The following PSORS1C1 variants were observed in gnomAD, a reference collection of about 807,000 sequenced individuals.
The protein encoded by PSORS1C1 is psoriasis susceptibility 1 candidate gene 1 protein.
A neutral mutation model predicts 9.4 loss-of-function variants in PSORS1C1; 7 were observed. The ratio of observed to expected loss-of-function variants is 0.75; its 90% confidence interval spans 0.42 to 1.40. The LOEUF is 1.40. Among genes scored for constraint, PSORS1C1 ranks in the 40% most tolerant of loss-of-function variants. The pLI is 0.01. For synonymous variants in PSORS1C1, 63 were observed against 69.4 expected, an observed-to-expected ratio of 0.91 and a Z score of 0.46; for missense variants, 146 against 178.1, an observed-to-expected ratio of 0.82 and a Z score of 1.02.
intron 1 of PSORS1C1, among the ~76,000 whole-genome samples, chr6:31,125,289 G>A (rs3095302): frequency 0.52 from 78,203 of 151,716 alleles, 21,316 homozygotes; most frequent in African/African-American, 0.69. Flanking sequence ...GCGAGAGGCC[G>A]TTTCCTCTCC....
At position 31,128,333 on chromosome 6, in the gene PSORS1C1, T is replaced by C. The variant is rs1306568376; in HGVS notation, c.-64-1236T>C. ...GAACAAGACCTGAGAGCCGCTACCT[T>C]GGCTCTCAGCATTGCACGGGAGTTT... On this transcript the variant is annotated intron_variant, in intron 2 of 5. Coordinates refer to ENST00000259881, the MANE Select transcript of PSORS1C1 (RefSeq NM_014068.3). This position sits in a 1 kb window ranked among gnomAD's most constrained non-coding sequence, Gnocchi z 4.3. Among the ~76,000 whole-genome samples, 1 of 152,192 alleles carries C rather than the reference T, an allele frequency of 6.6e-6. No individual in the cohort carries two copies. Among genetic ancestry groups the C allele is most frequent in the Non-Finnish European group, 1.5e-5 (1 of 68,032 alleles).
At position 31,117,509 on chromosome 6, in the gene PSORS1C1, C is replaced by T. The variant is rs144847588; in HGVS notation, c.-229+2618C>T. Reference sequence around the variant, plus strand: ...TCCTTACAAGGGTCTGAGAAGGTGCCAATGCTCTTAGCCAAGGTCCCTGTG... The same window carrying T: ...TCCTTACAAGGGTCTGAGAAGGTGCTAATGCTCTTAGCCAAGGTCCCTGTG... On this transcript the variant is annotated intron_variant, in intron 1 of 5. Coordinates refer to ENST00000259881, the MANE Select transcript of PSORS1C1 (RefSeq NM_014068.3). 5,834 of 1,550,860 alleles carry T rather than the reference C, an allele frequency of 3.8e-3. 193 individuals carry two copies. The South Asian group carries it at 0.053, about 14-fold the overall frequency.
chr6:31,125,994 C>T (rs1329216006), intron 2 of PSORS1C1, among the ~76,000 whole-genome samples, 155 bp downstream of exon 2: 2 of 151,312 alleles, frequency 1.3e-5, no homozygotes, highest in African/African-American at 2.4e-5. Flanking sequence ...CTGTGCCCAC[C>T]CCCCACCCCC....
intron 3 of PSORS1C1, among the ~76,000 whole-genome samples, chr6:31,134,680 A>G (rs1027363607): frequency 6.6e-6 from 1 of 152,114 alleles, no homozygotes; most frequent in Non-Finnish European, 1.5e-5. Flanking sequence ...AGGTTATGCA[A>G]CCTCAGTTTC....
rs1184132826 is a variant in PSORS1C1 at position 31,117,166 on chromosome 6, C to T, written c.-229+2275C>T. On this transcript the variant is annotated intron_variant, in intron 1 of 5. Coordinates refer to ENST00000259881, the MANE Select transcript of PSORS1C1 (RefSeq NM_014068.3). Reference sequence around the variant, plus strand: ...GCTGCTGCTCGAATGAGAGCTGCTGCTTCCCGAGTGAGAGCCGCTGTTTCC... The same window carrying T: ...GCTGCTGCTCGAATGAGAGCTGCTGTTTCCCGAGTGAGAGCCGCTGTTTCC... The T allele has an allele frequency of 7.4e-6, 7 of 951,340 alleles. No individual in the cohort carries two copies. In the African/African-American group the frequency reaches 1.5e-4, roughly 21 times the overall value. 58.9% of individuals were successfully genotyped at this position (951,340 alleles called of 1,614,324 possible). A position where few individuals can be genotyped will look rare whatever the true frequency, so the allele number is the denominator to read the frequency against.
chr6:31,134,450 C>T (rs777928096), intron 3 of PSORS1C1, among the ~76,000 whole-genome samples: 15 of 151,982 alleles, frequency 9.9e-5, no homozygotes, highest in Admixed American at 1.3e-4. Flanking sequence ...CTACAGGCGC[C>T]GGCCACCATG....
At chr6:31,125,619 CCTT>C (rs1463582913) in intron 1 of PSORS1C1, 54 bp from the exon 2 acceptor site, 1 of 152,408 alleles carries the variant, frequency 6.6e-6, no homozygotes, top group African/African-American at 2.4e-5. Context: ...TTTAATCTCT[CCTT>C]CTCTGCCTTC....
intron 3 of PSORS1C1, among the ~76,000 whole-genome samples, chr6:31,135,063 G>A (rs1327479779): frequency 2.6e-5 from 4 of 152,048 alleles, no homozygotes; most frequent in African/African-American, 7.2e-5. Flanking sequence ...CAATCCACCC[G>A]ATTCGGCCTC....
intron 1 of PSORS1C1, among the ~76,000 whole-genome samples, chr6:31,125,261 C>T (rs1772627611): frequency 6.6e-6 from 1 of 152,130 alleles, no homozygotes; most frequent in African/African-American, 2.4e-5. Context: ...CTCCTTTGTT[C>T]CTCTCTGCTT....
At position 31,139,181 on chromosome 6, in the gene PSORS1C1, C is replaced by A; in HGVS notation, c.167+402C>A. 1.6e-6 allele frequency: 1 copy of A among 631,464 alleles called. No individual in the cohort carries two copies. Among genetic ancestry groups the A allele is most frequent in the Non-Finnish European group, 2.8e-6 (1 of 356,960 alleles). The allele number at this position is 631,464 out of a possible 1,614,324, so 39.1% of individuals were successfully genotyped here. ...GTCAAACCCGTTGGGAAGGCCTGGG[C>A]TGATGTGTCACCCCTGAAGGTGGCG... is the stretch of plus-strand genomic sequence containing the variant. On this transcript the variant is annotated intron_variant, in intron 5 of 5. Coordinates refer to ENST00000259881, the MANE Select transcript of PSORS1C1 (RefSeq NM_014068.3). This position sits in a 1 kb window ranked among gnomAD's most constrained non-coding sequence, Gnocchi z 5.2.
At chr6:31,122,586 G>A (rs1772510766) in intron 1 of PSORS1C1, among the ~76,000 whole-genome samples, 1 of 151,796 alleles carries the variant, frequency 6.6e-6, no homozygotes, top group South Asian at 2.1e-4. Context: ...GATCAGCCTG[G>A]CCAACATGGC....
At chr6:31,137,196 C>T (rs991730388) in intron 3 of PSORS1C1, among the ~76,000 whole-genome samples, 1 of 151,450 alleles carries the variant, frequency 6.6e-6, no homozygotes, top group African/African-American at 2.4e-5. Flanking sequence ...GTGGCTCACG[C>T]GTGTAATCCC....
intron 1 of PSORS1C1, among the ~76,000 whole-genome samples, chr6:31,118,983 C>T (rs1221054242): frequency 1.3e-5 from 2 of 151,586 alleles, no homozygotes; most frequent in African/African-American, 4.9e-5. Flanking sequence ...GCTGGGACCA[C>T]AGGTGCCCGC....
intron 1 of PSORS1C1, among the ~76,000 whole-genome samples, chr6:31,124,866 G>A (rs1392795763): frequency 6.6e-6 from 1 of 152,192 alleles, no homozygotes; most frequent in Non-Finnish European, 1.5e-5. Context: ...TACTCAGGAG[G>A]CTGAGGCAGG....
At position 31,140,033 on chromosome 6, in the gene PSORS1C1, C is replaced by T; in HGVS notation, c.*101C>T. ...ACATGTCCAAAATAAAATTTGATTC[C>T]TCCCAGGTTGTTCCCTGCCTGGTCC... On this transcript the variant is annotated 3_prime_UTR_variant, in exon 6 of 6. Coordinates refer to ENST00000259881, the MANE Select transcript of PSORS1C1 (RefSeq NM_014068.3). The surrounding 1 kb of genome is among the most constrained non-coding windows in gnomAD (Gnocchi z 4.6). 1 of 1,195,450 alleles carries T rather than the reference C, an allele frequency of 8.4e-7. No homozygotes were observed. Among genetic ancestry groups the T allele is most frequent in the East Asian group, 2.3e-5 (1 of 42,594 alleles). 74.1% of individuals were successfully genotyped at this position (1,195,450 alleles called of 1,614,324 possible).
chr6:31,130,862 A>T (rs1401404839), intron 3 of PSORS1C1, among the ~76,000 whole-genome samples: 23 of 143,478 alleles, frequency 1.6e-4, no homozygotes, highest in Non-Finnish European at 2.8e-4. Flanking sequence ...TTTAATTTTA[A>T]TTTTTTTTTT....
chr6:31,124,291 A>G (rs1411786094), intron 1 of PSORS1C1, among the ~76,000 whole-genome samples: 1 of 152,052 alleles, frequency 6.6e-6, no homozygotes, highest in African/African-American at 2.4e-5. Context: ...CTCCATAAAG[A>G]GGAGGCTTGG....
chr6:31,134,809 T>C (rs982687381), intron 3 of PSORS1C1, among the ~76,000 whole-genome samples: 5 of 152,178 alleles, frequency 3.3e-5, no homozygotes, highest in Admixed American at 3.3e-4. Context: ...TGAAAAACTA[T>C]GTCCCTTGCA....
In PSORS1C1 at chr6:31,114,843, A is replaced by T. The variant is rs1360914253; in HGVS notation, c.-277A>T. ...TCCCAAGCTTCCAGGTGTCCCAGAA[A>T]CCCAGGAAATCGAGACTCATGACTC... On this transcript the variant is annotated 5_prime_UTR_variant, in exon 1 of 6. Coordinates refer to ENST00000259881, the MANE Select transcript of PSORS1C1 (RefSeq NM_014068.3). 3 of 454,206 alleles carry T rather than the reference A, an allele frequency of 6.6e-6. No homozygotes were observed. The Admixed American group carries it at 7.1e-5, about 11-fold the overall frequency. 28.1% of individuals were successfully genotyped at this position (454,206 alleles called of 1,614,324 possible).
Sources: allele counts gnomAD v4.1 joint callset (sites outside exome capture counted in the v4.1 genomes callset), GRCh38; gene constraint gnomAD v4.1.1; non-coding constraint Gnocchi (gnomAD v3.1); transcripts MANE v1.5; gene names NCBI Gene and HGNC (gene_info 2026-07-23, HGNC 2026-07-21).